Variants in PTPRM observed in about 807,000 individuals in gnomAD.
PTPRM encodes receptor-type tyrosine-protein phosphatase mu.
A neutral mutation model predicts 186.7 loss-of-function variants in PTPRM; 47 were observed. The observed-to-expected ratio is 0.25, with a 90% CI of 0.20 to 0.32. The LOEUF (loss-of-function observed/expected upper bound fraction) is 0.32. Among genes scored for constraint, PTPRM ranks in the 10% least tolerant of loss-of-function variants. The probability of loss-of-function intolerance (pLI) is 1.00; values close to 1 mark genes in which losing one functional copy is unlikely to be tolerated. For missense variants in PTPRM, 1,494 were observed against 1,865.0 expected (o/e 0.80, Z 3.66); for synonymous variants, 668 against 674.9 (o/e 0.99, Z 0.16).
chr18:7,799,746 A>T (rs542376013), intron 2 of PTPRM, among the ~76,000 whole-genome samples: 1 of 152,288 alleles, frequency 6.6e-6, no homozygotes, highest in Admixed American at 6.5e-5. Context: ...AATGTATTCT[A>T]CATTTTTATG....
chr18:8,315,571 A>C (rs751930643), intron 21 of PTPRM, among the ~76,000 whole-genome samples: 7 of 152,186 alleles, frequency 4.6e-5, no homozygotes, highest in Non-Finnish European at 8.8e-5. Flanking sequence ...GTTACCTCCA[A>C]GGCCCGAGTT....
At chr18:8,318,471 A>G (rs1489943133) in intron 21 of PTPRM, among the ~76,000 whole-genome samples, 1 of 150,856 alleles carries the variant, frequency 6.6e-6, no homozygotes, top group Non-Finnish European at 1.5e-5. Context: ...TAATTTTTGT[A>G]TTTTTTGTAG....
chr18:7,901,347 C>A (rs1472277198), intron 3 of PTPRM, among the ~76,000 whole-genome samples: 3 of 151,960 alleles, frequency 2.0e-5, no homozygotes, highest in Non-Finnish European at 4.4e-5. Flanking sequence ...TTAAGATGAC[C>A]CTCATCCTTT....
intron 1 of PTPRM, among the ~76,000 whole-genome samples, chr18:7,740,015 A>G (rs1369344744): frequency 7.2e-5 from 11 of 152,234 alleles, no homozygotes; most frequent in Admixed American, 7.2e-4. Flanking sequence ...GTTTAAATTT[A>G]AACTCATAAA....
intron 2 of PTPRM, among the ~76,000 whole-genome samples, chr18:7,824,486 T>A (rs1467059361): frequency 1.3e-5 from 2 of 152,170 alleles, no homozygotes; most frequent in Admixed American, 1.3e-4. Flanking sequence ...TAAGAAGAGA[T>A]CTTTTAGCAT....
chr18:7,966,976 C>T lies in PTPRM; in HGVS notation c.1132+11562C>T, dbSNP rs1364804538. Among the ~76,000 whole-genome samples, 8 of 118,666 alleles carry T rather than the reference C, an allele frequency of 6.7e-5. 2 individuals are homozygous for T. The highest frequency in any genetic ancestry group is 1.2e-4 in the Non-Finnish European group (6 of 49,750). 77.8% of individuals were successfully genotyped at this position (118,666 alleles called of 152,430 possible). ...ACCACAGCTCTAGGAGGCCTGCCTGCCTCTGTAGGCTCCACCTCTGGGGGC... is the reference window on the plus strand; with the variant it reads ...ACCACAGCTCTAGGAGGCCTGCCTGTCTCTGTAGGCTCCACCTCTGGGGGC... On this transcript the variant is annotated intron_variant, in intron 7 of 32. Coordinates refer to ENST00000580170, the MANE Select transcript of PTPRM (RefSeq NM_001105244.2).
At chr18:7,744,915 C>G (rs1324532293) in intron 1 of PTPRM, among the ~76,000 whole-genome samples, 1 of 152,158 alleles carries the variant, frequency 6.6e-6, no homozygotes, top group Admixed American at 6.6e-5. Context: ...AGTCAGAATA[C>G]TAGCCCTGAA....
At position 8,260,939 on chromosome 18, in the gene PTPRM, C is replaced by T. The variant is rs114293265; in HGVS notation, c.2754+7525C>T. ...GACGACTTTTCAGAATGGTGCACAG[C>T]AGCCCCTTCGCTGGCTTTTGCACAA... is the stretch of plus-strand genomic sequence containing the variant. On this transcript the variant is annotated intron_variant, in intron 19 of 32. Transcript: ENST00000580170. Among the ~76,000 whole-genome samples the T allele has an allele frequency of 5.1e-3, 773 of 152,340 alleles. 9 individuals carry two copies. The highest frequency in any genetic ancestry group is 0.017 in the African/African-American group (716 of 41,578).
At chr18:8,359,474 A>C (rs989992056) in intron 23 of PTPRM, among the ~76,000 whole-genome samples, 6 of 152,226 alleles carry the variant, frequency 3.9e-5, no homozygotes, top group African/African-American at 1.4e-4. Context: ...GACCCTGGAA[A>C]ATCCTCACTT....
chr18:8,199,621 A>G (rs1005110118), intron 14 of PTPRM, among the ~76,000 whole-genome samples: 12 of 152,190 alleles, frequency 7.9e-5, no homozygotes, highest in African/African-American at 2.7e-4. Flanking sequence ...AGGAAGATTC[A>G]TTTATTATTT....
intron 22 of PTPRM, among the ~76,000 whole-genome samples, chr18:8,321,506 T>C (rs1235734113): frequency 6.6e-6 from 1 of 152,200 alleles, no homozygotes; most frequent in Non-Finnish European, 1.5e-5. Context: ...GAGTGATACT[T>C]AATAGCTCAG....
intron 14 of PTPRM, among the ~76,000 whole-genome samples, chr18:8,202,334 T>C (rs76411161): frequency 0.08 from 12,114 of 152,240 alleles, 628 homozygotes; most frequent in Middle Eastern, 0.33. Flanking sequence ...TTACAGTAAA[T>C]AGACATGTTT....
At chr18:8,155,269 T>G (rs529356522) in intron 14 of PTPRM, among the ~76,000 whole-genome samples, 1 of 152,324 alleles carries the variant, frequency 6.6e-6, no homozygotes, top group East Asian at 1.9e-4. Flanking sequence ...TTACCATGAT[T>G]AATTATATTT....
rs536837497 is a variant in PTPRM at position 8,233,382 on chromosome 18, CTTG to C, written c.2301-10670_2301-10668del. ...CCTTATAACAGATGTGTGGTGGTAT[CTTG>C]TTGTTCTGATTTGCATTTTCCTTAT... On this transcript the variant is annotated intron_variant, in intron 14 of 32. Coordinates refer to ENST00000580170, the MANE Select transcript of PTPRM (RefSeq NM_001105244.2). Among the ~76,000 whole-genome samples, 7 of 152,268 alleles carry C rather than the reference CTTG, an allele frequency of 4.6e-5. No individual in the cohort carries two copies. The South Asian group carries it at 6.2e-4, about 14-fold the overall frequency.
intron 1 of PTPRM, among the ~76,000 whole-genome samples, chr18:7,726,435 G>C (rs987762974): frequency 3.3e-5 from 5 of 152,032 alleles, no homozygotes; most frequent in African/African-American, 1.2e-4. Flanking sequence ...CCTATCCTGT[G>C]CGTTGTTAAT....
chr18:8,084,315 C>T (rs912525704), intron 9 of PTPRM, among the ~76,000 whole-genome samples: 3 of 152,112 alleles, frequency 2.0e-5, no homozygotes, highest in South Asian at 2.1e-4. Context: ...TGGAGGTATC[C>T]GAATGGAGGA....
At chr18:7,862,024 A>T (rs1300397615) in intron 2 of PTPRM, among the ~76,000 whole-genome samples, 1 of 146,220 alleles carries the variant, frequency 6.8e-6, no homozygotes, top group East Asian at 1.9e-4. Flanking sequence ...ACAGAAAGAC[A>T]TGAGCATTTA....
chr18:8,336,920 T>C (rs1169755098), intron 22 of PTPRM, among the ~76,000 whole-genome samples: 1 of 151,888 alleles, frequency 6.6e-6, no homozygotes, highest in Non-Finnish European at 1.5e-5. Context: ...GAGGTTGCAG[T>C]GAGCCAAGAT....
chr18:8,270,951 T>C (rs1400458997), intron 19 of PTPRM, among the ~76,000 whole-genome samples: 1 of 152,104 alleles, frequency 6.6e-6, no homozygotes, highest in East Asian at 1.9e-4. Flanking sequence ...CTGTAGTTAA[T>C]TATACTTATT....
Sources: allele counts gnomAD v4.1 joint callset (sites outside exome capture counted in the v4.1 genomes callset), GRCh38; gene constraint gnomAD v4.1.1; transcripts MANE v1.5; gene names NCBI Gene and HGNC (gene_info 2026-07-23, HGNC 2026-07-21).